CSMD1: variants seen among roughly 807,000 people sequenced by gnomAD.
CSMD1 encodes the protein CUB and Sushi multiple domains 1.
In CSMD1, 213 loss-of-function variants were observed where a neutral mutation model predicts 417.5. The ratio of observed to expected loss-of-function variants is 0.51; its 90% CI spans 0.46 to 0.57. The LOEUF is 0.57. CSMD1 is among the 20% of genes least tolerant of loss of function. The probability of loss-of-function intolerance (pLI) is 0.00; values close to 1 mark genes in which losing one functional copy is unlikely to be tolerated. For missense variants in CSMD1, 6,923 were observed against 4,529.7 expected, an observed-to-expected ratio of 1.53 and a Z score of -15.17; for synonymous variants, 2,862 against 1,736.8, an observed-to-expected ratio of 1.65 and a Z score of -16.11.
intron 3 of CSMD1, among the ~76,000 whole-genome samples, chr8:4,187,150 C>CT (rs1369679356): frequency 3.9e-4 from 2 of 5,148 alleles, no homozygotes; most frequent in African/African-American, 4.5e-4. Flanking sequence ...TATTGATTTA[C>CT]TGCTTGTAGT....
chr8:4,202,614 T>C (rs1799725307), intron 3 of CSMD1, among the ~76,000 whole-genome samples: 1 of 152,214 alleles, frequency 6.6e-6, no homozygotes, highest in Admixed American at 6.5e-5. Flanking sequence ...TCTTTGAGTA[T>C]CATGGTGGAT....
chr8:4,767,140 G>A (rs1447533697), intron 1 of CSMD1, among the ~76,000 whole-genome samples: 1 of 152,122 alleles, frequency 6.6e-6, no homozygotes, highest in Non-Finnish European at 1.5e-5. Flanking sequence ...GATGCAGTGG[G>A]TTAATAACAG....
At chr8:4,159,977 A>G (rs564956814) in intron 3 of CSMD1, among the ~76,000 whole-genome samples, 39 of 152,240 alleles carry the variant, frequency 2.6e-4, no homozygotes, top group East Asian at 5.8e-4. Context: ...AAGACTACCA[A>G]TTGGGTTCAA....
At chr8:4,152,215 T>A (rs921404130) in intron 3 of CSMD1, among the ~76,000 whole-genome samples, 1 of 152,314 alleles carries the variant, frequency 6.6e-6, no homozygotes, top group East Asian at 1.9e-4. Flanking sequence ...AGGAACACCA[T>A]ACACTTTCAA....
At chr8:4,009,605 C>T (rs1274178611) in intron 4 of CSMD1, among the ~76,000 whole-genome samples, 1 of 152,056 alleles carries the variant, frequency 6.6e-6, no homozygotes, top group Non-Finnish European at 1.5e-5. Flanking sequence ...TTTACAATTG[C>T]ATGGGGAAAT....
At chr8:4,575,310 A>T (rs117293249) in intron 2 of CSMD1, among the ~76,000 whole-genome samples, 1 of 152,226 alleles carries the variant, frequency 6.6e-6, no homozygotes, top group South Asian at 2.1e-4. Flanking sequence ...CTTTTTATGT[A>T]ATAATGTGAT....
At chr8:3,675,454 G>C (rs1214122172) in intron 7 of CSMD1, among the ~76,000 whole-genome samples, 2 of 152,190 alleles carry the variant, frequency 1.3e-5, no homozygotes, top group East Asian at 1.9e-4. Flanking sequence ...AAAAATCCAA[G>C]AGAAGGTGAT....
chr8:4,318,690 G>A (rs1219548579), intron 3 of CSMD1, among the ~76,000 whole-genome samples: 1 of 137,734 alleles, frequency 7.3e-6, no homozygotes, highest in Non-Finnish European at 1.5e-5. Context: ...TTAACTCAAA[G>A]GCTTAATATT....
chr8:4,974,966 C>G (rs564415182), intron 1 of CSMD1, among the ~76,000 whole-genome samples: 3 of 152,218 alleles, frequency 2.0e-5, no homozygotes, highest in South Asian at 2.1e-4. Context: ...AGATTCAAGT[C>G]GAAATTTTAT....
intron 1 of CSMD1, among the ~76,000 whole-genome samples, 162 bp downstream of exon 1, chr8:4,994,170 G>T (rs931115923): frequency 1.3e-5 from 2 of 152,086 alleles, no homozygotes; most frequent in Admixed American, 6.5e-5. Flanking sequence ...CGCGATGGAA[G>T]CTCCCTCCCG....
At chr8:2,997,472 A>G (rs679046) in intron 54 of CSMD1, among the ~76,000 whole-genome samples, 9,937 of 152,264 alleles carry the variant, frequency 0.065, 735 homozygotes, top group African/African-American at 0.18. Flanking sequence ...AAAGTACAAT[A>G]CACCACCAAT....
chr8:4,004,713 G>T (rs1815968264), intron 4 of CSMD1, among the ~76,000 whole-genome samples: 1 of 151,950 alleles, frequency 6.6e-6, no homozygotes, highest in African/African-American at 2.4e-5. Flanking sequence ...TGACCTGGAT[G>T]AGATTGGTGA....
Position 3,032,113 on chromosome 8 carries a change from G to T in CSMD1, c.7661-2600C>A, listed in dbSNP as rs138014778. Among the ~76,000 whole-genome samples the T allele has an allele frequency of 4.3e-3, 661 of 151,982 alleles. 9 individuals are homozygous for T. Among genetic ancestry groups the T allele is most frequent in the Non-Finnish European group, 7.7e-3 (521 of 67,932 alleles). On this transcript the variant is annotated intron_variant, in intron 50 of 69. Coordinates refer to ENST00000635120, the MANE Select transcript of CSMD1 (RefSeq NM_033225.6). ...GTGGAAATTAGGAGTAAAAAGAAAAGTGAGGACTGCAATAAATATTAATAT... is the reference window on the plus strand; with the variant it reads ...GTGGAAATTAGGAGTAAAAAGAAAATTGAGGACTGCAATAAATATTAATAT...
intron 3 of CSMD1, among the ~76,000 whole-genome samples, chr8:4,289,056 G>T (rs17335078): frequency 6.6e-6 from 1 of 152,046 alleles, no homozygotes; most frequent in African/African-American, 2.4e-5. Flanking sequence ...CATAAAAACA[G>T]TGCACATATG....
At chr8:4,476,701 A>G (rs188086081) in intron 2 of CSMD1, among the ~76,000 whole-genome samples, 20 of 152,130 alleles carry the variant, frequency 1.3e-4, no homozygotes, top group Non-Finnish European at 2.9e-4. Context: ...TCAAGTCCCG[A>G]TTTCACCACT....
chr8:3,206,240 GTGTGTGGGGGGTATGTA>G (rs2116758482), intron 30 of CSMD1, among the ~76,000 whole-genome samples: 1 of 133,556 alleles, frequency 7.5e-6, no homozygotes. Context: ...GTGTGTGTAT[GTGTGTGGGGGGTATGTA>G]TGTGTGGGGG....
intron 3 of CSMD1, among the ~76,000 whole-genome samples, chr8:4,224,552 G>C (rs1406942327): frequency 6.6e-6 from 1 of 152,156 alleles, no homozygotes; most frequent in Non-Finnish European, 1.5e-5. Flanking sequence ...CTCAAGGGAA[G>C]AGGAAGTCCC....
At chr8:4,426,761 T>C (rs1008055752) in intron 2 of CSMD1, among the ~76,000 whole-genome samples, 1 of 147,968 alleles carries the variant, frequency 6.8e-6, no homozygotes, top group African/African-American at 2.5e-5. Context: ...TATAGTAATA[T>C]TTTATATTAC....
intron 3 of CSMD1, among the ~76,000 whole-genome samples, chr8:4,249,545 G>T (rs931780320): frequency 6.6e-6 from 1 of 152,184 alleles, no homozygotes; most frequent in Non-Finnish European, 1.5e-5. Context: ...GACTCTCAGG[G>T]AGACCTGAGG....
Sources: allele counts gnomAD v4.1 joint callset (sites outside exome capture counted in the v4.1 genomes callset), GRCh38; gene constraint gnomAD v4.1.1; transcripts MANE v1.5; gene names NCBI Gene and HGNC (gene_info 2026-07-23, HGNC 2026-07-21).